TRRAP: variants seen among roughly 807,000 people sequenced by gnomAD.
TRRAP encodes transformation/transcription domain associated protein, also known as transformation/transcription domain-associated protein.
TRRAP carries 41 observed loss-of-function variants against 438.8 expected under a neutral mutation model. The ratio of observed to expected loss-of-function variants is 0.09; its 90% CI spans 0.07 to 0.12. The LOEUF (loss-of-function observed/expected upper bound fraction) is 0.12. TRRAP is among the 10% of genes least tolerant of loss of function. TRRAP has a pLI of 1.00. For missense variants in TRRAP, 3,122 were observed against 5,055.1 expected (o/e 0.62, Z 11.60); for synonymous variants, 1,994 against 1,962.9 (o/e 1.02, Z -0.42).
At chr7:98,978,406 C>T (rs1792766752) in intron 57 of TRRAP, 83 bp downstream of exon 57, 5 of 1,266,430 alleles carry the variant, frequency 3.9e-6, no homozygotes, top group South Asian at 2.6e-5. Context: ...TTGTAATGAG[C>T]GTTTTTTAAA....
chr7:98,946,002 G>A, intron 33 of TRRAP, 52 bp downstream of exon 33: 1 of 1,390,348 alleles, frequency 7.2e-7, no homozygotes, highest in Non-Finnish European at 9.4e-7. Context: ...TGCTGGTTTT[G>A]CTGTGACTCG....
intron 65 of TRRAP, among the ~76,000 whole-genome samples, chr7:98,992,673 G>A (rs147263159): frequency 1.2e-3 from 182 of 152,278 alleles, no homozygotes; most frequent in African/African-American, 4.2e-3. Flanking sequence ...TTCACTCACA[G>A]TGTAAGACTT....
At chr7:98,966,996 T>C (rs2116691275) in intron 49 of TRRAP, 45 bp from the exon 50 acceptor site, 3 of 1,580,324 alleles carry the variant, frequency 1.9e-6, no homozygotes, top group East Asian at 4.5e-5. Flanking sequence ...CTAGAGCAGA[T>C]GGTTGAAATA....
Position 98,979,321 on chromosome 7 carries a change from G to A in TRRAP, c.8634+417G>A, listed in dbSNP as rs143502239. On this transcript the variant is annotated intron_variant, in intron 58 of 72. Coordinates refer to ENST00000456197, the MANE Select transcript of TRRAP (RefSeq NM_001375524.1). ...GACACTCAAGTCCCTGATATAAAAC[G>A]GTGTAGTATTGCATGTAATCTCTGC... is the stretch of plus-strand genomic sequence containing the variant. Among the ~76,000 whole-genome samples, 75 of 152,212 alleles carry A rather than the reference G, an allele frequency of 4.9e-4. No individual in the cohort carries two copies. The East Asian group carries it at 0.014, about 29-fold the overall frequency.
chr7:98,974,990 G>C (rs1043543278), intron 53 of TRRAP, among the ~76,000 whole-genome samples: 5 of 152,188 alleles, frequency 3.3e-5, no homozygotes, highest in African/African-American at 1.2e-4. Context: ...TTGGAGTTGA[G>C]CAGCTTTATC....
intron 67 of TRRAP, among the ~76,000 whole-genome samples, chr7:99,003,212 A>G (rs1412429819): frequency 6.6e-6 from 1 of 152,134 alleles, no homozygotes; most frequent in Non-Finnish European, 1.5e-5. Context: ...GTCTGGGAGG[A>G]AGTCGAGGCG....
intron 27 of TRRAP, among the ~76,000 whole-genome samples, chr7:98,934,822 C>G (rs1790486162): frequency 6.6e-6 from 1 of 152,148 alleles, no homozygotes. Flanking sequence ...GAAGGTCATA[C>G]AAGGCCCTAG....
At chr7:98,907,774 C>T (rs541768363) in intron 13 of TRRAP, among the ~76,000 whole-genome samples, 1 of 151,318 alleles carries the variant, frequency 6.6e-6, no homozygotes, top group South Asian at 2.1e-4. Context: ...TCTGCTGCAG[C>T]ACGCCGCCCC....
Position 98,887,690 on chromosome 7 carries a change from A to G in TRRAP, c.151-2645A>G, listed in dbSNP as rs114921926. Among the ~76,000 whole-genome samples the G allele has an allele frequency of 6.2e-3, 793 of 127,978 alleles. 8 individuals carry two copies. The highest frequency in any genetic ancestry group is 0.021 in the African/African-American group (741 of 35,682). 84.0% of individuals were successfully genotyped at this position (127,978 alleles called of 152,430 possible). On this transcript the variant is annotated intron_variant, in intron 3 of 72. Coordinates refer to ENST00000456197, the MANE Select transcript of TRRAP (RefSeq NM_001375524.1). ...GGTTGCAGTGAGCCGAGATTGTACC[A>G]TTGCACTCCAGCCTGGTGACAAGAG...
chr7:98,893,747 C>A (rs1554405291), intron 5 of TRRAP, 51 bp from the exon 6 acceptor site: 2 of 1,535,692 alleles, frequency 1.3e-6, no homozygotes, highest in Admixed American at 3.5e-5. Context: ...GAAAATTAGC[C>A]TTTAAAGTGA....
At chr7:98,964,590 T>TA (rs1562962762) in intron 47 of TRRAP, 39 bp from the exon 48 acceptor site, 1 of 1,599,004 alleles carries the variant, frequency 6.3e-7, no homozygotes, top group Non-Finnish European at 8.5e-7. Flanking sequence ...TCGTGGTTGT[T>TA]ACTTTTCTGT....
intron 3 of TRRAP, among the ~76,000 whole-genome samples, 189 bp downstream of exon 3, chr7:98,882,213 G>C (rs1352811178): frequency 6.6e-6 from 1 of 152,090 alleles, no homozygotes; most frequent in Non-Finnish European, 1.5e-5. Flanking sequence ...TGGTGATAGC[G>C]AACCCCATAC....
chr7:98,905,039 A>G (rs568548299), intron 12 of TRRAP, among the ~76,000 whole-genome samples: 18 of 152,318 alleles, frequency 1.2e-4, no homozygotes, highest in African/African-American at 4.3e-4. Flanking sequence ...GTTCTGGGTC[A>G]TGGAAAGGAT....
chr7:98,943,037 C>T lies in TRRAP; in HGVS notation c.4473+20C>T. ...GGAAACGTGAGTGACTTGTTTGTTT[C>T]TGGGAAGGGCACCAGCCGCCATGCT... On this transcript the variant is annotated intron_variant, in intron 31 of 72. Transcript: ENST00000456197. 6.2e-7 allele frequency: 1 copy of T among 1,613,760 alleles called. No homozygotes were observed. Among genetic ancestry groups the T allele is most frequent in the Non-Finnish European group, 8.5e-7 (1 of 1,179,864 alleles).
intron 3 of TRRAP, among the ~76,000 whole-genome samples, chr7:98,885,061 A>G (rs575610681): frequency 2.0e-5 from 3 of 152,230 alleles, no homozygotes; most frequent in East Asian, 1.9e-4. Context: ...ATGAAACCCC[A>G]ATCATCACCC....
chr7:98,956,321 CAG>C lies in TRRAP; in HGVS notation c.6096+18_6096+19del, dbSNP rs1429110877. 5.0e-6 allele frequency: 8 copies of C among 1,613,678 alleles called. No homozygotes were observed. Among genetic ancestry groups the C allele is most frequent in the Non-Finnish European group, 6.8e-6 (8 of 1,179,736 alleles). On this transcript the variant is annotated intron_variant, in intron 42 of 72. Transcript: ENST00000456197. This position sits in a 1 kb window ranked among gnomAD's most constrained non-coding sequence, Gnocchi z 4.5. ...GACCAGCAGGTAGGGGTGTCAGCCT[CAG>C]GGGTGCCCCGATCGTCTTCCTTTGA...
rs781935957 is a variant in TRRAP, at chr7:98,945,713, A to G, written c.4474-34A>G. On this transcript the variant is annotated intron_variant, in intron 31 of 72. Transcript: ENST00000456197. ...GGAAGTTTTTATGTAAATAACATAA[A>G]TAGAAAAAAGATGATTTTCCTCCCC... 4 of 1,596,170 alleles carry G rather than the reference A, an allele frequency of 2.5e-6. No homozygotes were observed. In the East Asian group the frequency reaches 8.9e-5, roughly 36 times the overall value.
chr7:98,990,375 T>C, intron 63 of TRRAP, 80 bp from the exon 64 acceptor site: 3 of 1,533,890 alleles, frequency 2.0e-6, no homozygotes, highest in South Asian at 1.2e-5. Context: ...CTATACAGTG[T>C]TGTAATGTTG....
rs1487620956 is a variant in TRRAP at position 98,908,638 on chromosome 7, T to G, written c.1116-90T>G. 15 of 1,191,870 alleles carry G rather than the reference T, an allele frequency of 1.3e-5. No homozygotes were observed. Among genetic ancestry groups the G allele is most frequent in the Admixed American group, 2.1e-5 (1 of 48,776 alleles). 73.8% of individuals were successfully genotyped at this position (1,191,870 alleles called of 1,614,324 possible). A position where few individuals can be genotyped will look rare whatever the true frequency, so the allele number is the denominator to read the frequency against. On this transcript the variant is annotated intron_variant, in intron 13 of 72. Coordinates refer to ENST00000456197, the MANE Select transcript of TRRAP (RefSeq NM_001375524.1). This position sits in a 1 kb window ranked among gnomAD's most constrained non-coding sequence, Gnocchi z 4.1. ...TAAGTGTGCCGACCCAGGGGTGGTG[T>G]TCCTGGGGCAGATGGTGATATCCTT...
Sources: gnomAD v4.1 joint callset for allele counts (sites outside exome capture counted in the v4.1 genomes callset) on GRCh38, gnomAD v4.1.1 for gene constraint, Gnocchi (gnomAD v3.1) non-coding constraint, MANE v1.5 for transcripts, NCBI Gene and HGNC (gene_info 2026-07-23, HGNC 2026-07-21) for gene names.